Variants in SLC2A9 observed in about 807,000 individuals in gnomAD.
The protein encoded by SLC2A9 is solute carrier family 2, facilitated glucose transporter member 9.
A neutral mutation model predicts 50.6 loss-of-function variants in SLC2A9; 39 were observed. The ratio of observed to expected loss-of-function variants is 0.77; its 90% CI spans 0.60 to 1.01. The LOEUF (loss-of-function observed/expected upper bound fraction) is 1.01. SLC2A9 is among the 50% of genes least tolerant of loss of function. SLC2A9 has a pLI of 0.00. For synonymous variants in SLC2A9, 324 were observed against 276.9 expected (o/e 1.17, Z -1.69); for missense variants, 686 against 677.6 (o/e 1.01, Z -0.14).
At chr4:9,895,552 A>C (rs555689944) in intron 8 of SLC2A9, among the ~76,000 whole-genome samples, 2 of 152,230 alleles carry the variant, frequency 1.3e-5, no homozygotes, top group African/African-American at 4.8e-5. Flanking sequence ...CCCTCTGGGG[A>C]CTCTGGAGCC....
chr4:9,938,232 T>G (rs1176443389), intron 6 of SLC2A9, among the ~76,000 whole-genome samples: 1 of 152,166 alleles, frequency 6.6e-6, no homozygotes, highest in Non-Finnish European at 1.5e-5. Flanking sequence ...AGGAGAAATT[T>G]TCTGTGTCTC....
At chr4:9,955,074 G>A (rs1371648989) in intron 5 of SLC2A9, among the ~76,000 whole-genome samples, 3 of 152,292 alleles carry the variant, frequency 2.0e-5, no homozygotes, top group Middle Eastern at 3.4e-3. Context: ...TGTGCACAAC[G>A]TCAGTAAACA....
At chr4:9,799,544 C>G (rs1026118254) in intron 3 of SLC2A9, among the ~76,000 whole-genome samples, 7 of 152,100 alleles carry the variant, frequency 4.6e-5, no homozygotes, top group African/African-American at 1.7e-4. Context: ...AAACTATCAC[C>G]TTGATTAAAT....
intron 5 of SLC2A9, among the ~76,000 whole-genome samples, chr4:9,949,618 T>C (rs1455887131): frequency 6.6e-6 from 1 of 152,146 alleles, no homozygotes; most frequent in African/African-American, 2.4e-5. Flanking sequence ...TTCCTTGACA[T>C]TATTCCTCAG....
chr4:9,807,595 A>T (rs1003798086), intron 3 of SLC2A9, among the ~76,000 whole-genome samples: 1 of 152,156 alleles, frequency 6.6e-6, no homozygotes, highest in African/African-American at 2.4e-5. Flanking sequence ...TGTGATGGAT[A>T]CTTACCAACT....
intron 1 of SLC2A9, among the ~76,000 whole-genome samples, chr4:9,773,336 G>A (rs921713385): frequency 2.6e-5 from 4 of 152,160 alleles, no homozygotes; most frequent in Non-Finnish European, 4.4e-5. Flanking sequence ...AGCTCAGCTT[G>A]TATCCTGTAG....
chr4:9,974,171 C>T (rs1209430670), intron 5 of SLC2A9, among the ~76,000 whole-genome samples: 2 of 152,128 alleles, frequency 1.3e-5, no homozygotes, highest in Admixed American at 1.3e-4. Flanking sequence ...AAACCCACAG[C>T]CAACATCATA....
At chr4:9,879,888 T>C (rs1734919682) in intron 10 of SLC2A9, 1 of 985,336 alleles carries the variant, frequency 1.0e-6, no homozygotes, top group South Asian at 4.7e-5. Flanking sequence ...AAATAAAATA[T>C]GCAGCAGGAA....
intron 5 of SLC2A9, among the ~76,000 whole-genome samples, chr4:9,974,751 A>G (rs1243286685): frequency 6.6e-6 from 1 of 152,112 alleles, no homozygotes; most frequent in East Asian, 1.9e-4. Context: ...TAGAAAAAAA[A>G]ATTCTAAAAT....
intron 7 of SLC2A9, among the ~76,000 whole-genome samples, chr4:9,919,800 C>T (rs1284199125): frequency 6.6e-6 from 1 of 152,216 alleles, no homozygotes; most frequent in Non-Finnish European, 1.5e-5. Context: ...CAGTAAAGAT[C>T]CAGACTCTGC....
chr4:9,963,141 A>G (rs1329981898), intron 5 of SLC2A9, among the ~76,000 whole-genome samples: 1 of 152,210 alleles, frequency 6.6e-6, no homozygotes, highest in Non-Finnish European at 1.5e-5. Flanking sequence ...ACATGTTGCA[A>G]TGGTGGCAGG....
At chr4:9,891,708 C>G (rs1381215161) in intron 8 of SLC2A9, among the ~76,000 whole-genome samples, 1 of 152,190 alleles carries the variant, frequency 6.6e-6, no homozygotes, top group Admixed American at 6.5e-5. Flanking sequence ...CAGAATGAAT[C>G]AGAATCCATG....
chr4:9,977,710 T>A (rs1255720377), intron 5 of SLC2A9, among the ~76,000 whole-genome samples: 1 of 152,020 alleles, frequency 6.6e-6, no homozygotes, highest in Non-Finnish European at 1.5e-5. Context: ...CCTCAAGCCA[T>A]GAGTTTAGAT....
chr4:9,792,487 CCA>C (rs1720074498), intron 3 of SLC2A9, among the ~76,000 whole-genome samples: 3 of 152,040 alleles, frequency 2.0e-5, no homozygotes, highest in Admixed American at 2.0e-4. Flanking sequence ...CTGTGTCTGG[CCA>C]CATTTTCTCT....
chr4:10,002,727 C>T (rs1258401234), intron 2 of SLC2A9, among the ~76,000 whole-genome samples: 3 of 152,144 alleles, frequency 2.0e-5, no homozygotes, highest in Non-Finnish European at 4.4e-5. Context: ...GTGGTGCACG[C>T]CTCTAGTCCC....
intron 4 of SLC2A9, among the ~76,000 whole-genome samples, chr4:9,981,421 TCTC>T (rs1196137608): frequency 2.6e-5 from 4 of 152,054 alleles, no homozygotes; most frequent in Non-Finnish European, 5.9e-5. Flanking sequence ...CAGGAATCCT[TCTC>T]ATCTCTTTAT....
chr4:9,855,270 T>C (rs528655142), intron 10 of SLC2A9, among the ~76,000 whole-genome samples: 1 of 152,342 alleles, frequency 6.6e-6, no homozygotes. Flanking sequence ...AGTTTCAAGA[T>C]ACAAAATTAA....
At chr4:9,910,633 C>A (rs1031868710) in intron 7 of SLC2A9, among the ~76,000 whole-genome samples, 12 of 152,330 alleles carry the variant, frequency 7.9e-5, no homozygotes, top group East Asian at 3.9e-4. Flanking sequence ...AGCTCATGGT[C>A]CTGAGGCTCC....
chr4:10,039,595 A>C (rs1764214742), intron 1 of SLC2A9, among the ~76,000 whole-genome samples: 1 of 152,024 alleles, frequency 6.6e-6, no homozygotes, highest in African/African-American at 2.4e-5. Context: ...CTGGATCCCC[A>C]CATTCAGGGG....
Sources: allele counts gnomAD v4.1 joint callset (sites outside exome capture counted in the v4.1 genomes callset), GRCh38; gene constraint gnomAD v4.1.1; transcripts MANE v1.5; gene names NCBI Gene and HGNC (gene_info 2026-07-23, HGNC 2026-07-21).